CEP89: variants seen among roughly 807,000 people sequenced by gnomAD.
CEP89 encodes the protein centrosomal protein 89, also known as centrosomal protein of 89 kDa.
A neutral mutation model predicts 97.6 loss-of-function variants in CEP89; 95 were observed. The observed-to-expected ratio is 0.97, with a 90% CI of 0.82 to 1.15. The LOEUF is 1.15. CEP89 is among the 50% of genes most tolerant of loss of function. The pLI is 0.00. For synonymous variants in CEP89, 354 were observed against 349.1 expected, an observed-to-expected ratio of 1.01 and a Z score of -0.16; for missense variants, 869 against 947.7, an observed-to-expected ratio of 0.92 and a Z score of 1.09.
At chr19:32,915,628 A>G in intron 13 of CEP89, 111 bp from the exon 14 acceptor site, 1 of 1,045,904 alleles carries the variant, frequency 9.6e-7, no homozygotes. Context: ...TGACCTTTTA[A>G]AGATCTTTTG....
chr19:32,942,797 T>C (rs1245914342), intron 5 of CEP89, among the ~76,000 whole-genome samples: 1 of 151,796 alleles, frequency 6.6e-6, no homozygotes, highest in East Asian at 1.9e-4. Context: ...AAGGCTTCAA[T>C]ACTGGGCATA....
At chr19:32,922,264 G>A (rs867830508) in intron 12 of CEP89, among the ~76,000 whole-genome samples, 1 of 152,136 alleles carries the variant, frequency 6.6e-6, no homozygotes, top group Non-Finnish European at 1.5e-5. Context: ...CAAAGGGGCC[G>A]GGTGCAGTGG....
intron 14 of CEP89, among the ~76,000 whole-genome samples, chr19:32,902,875 G>A (rs538434817): frequency 1.1e-4 from 16 of 152,202 alleles, no homozygotes; most frequent in Non-Finnish European, 1.9e-4. Flanking sequence ...TTTCTGACAT[G>A]CACAAAGAAC....
At chr19:32,935,361 C>T (rs903724183) in intron 7 of CEP89, among the ~76,000 whole-genome samples, 1 of 152,194 alleles carries the variant, frequency 6.6e-6, no homozygotes, top group African/African-American at 2.4e-5. Flanking sequence ...CCAGAGAACA[C>T]CAATGGCAAG....
intron 6 of CEP89, 131 bp downstream of exon 6, chr19:32,939,726 T>C: frequency 1.9e-6 from 1 of 539,362 alleles, no homozygotes; most frequent in Non-Finnish European, 3.4e-6. Flanking sequence ...AAAGAACTCT[T>C]AAGGGAAGAT....
At chr19:32,880,864 G>A (rs1969267069) in intron 18 of CEP89, among the ~76,000 whole-genome samples, 1 of 152,090 alleles carries the variant, frequency 6.6e-6, no homozygotes, top group African/African-American at 2.4e-5. Flanking sequence ...CTGAGAGATC[G>A]TGCAGATCAA....
At chr19:32,965,691 G>A (rs28607873) in intron 2 of CEP89, among the ~76,000 whole-genome samples, 7,028 of 148,554 alleles carry the variant, frequency 0.047, 582 homozygotes, top group African/African-American at 0.17. Flanking sequence ...GCAAGATCTT[G>A]CCTTGAAAAA....
chr19:32,940,945 G>C (rs951990247), intron 5 of CEP89, among the ~76,000 whole-genome samples: 4 of 151,938 alleles, frequency 2.6e-5, no homozygotes, highest in African/African-American at 9.7e-5. Context: ...ATTTTTAGTA[G>C]AGACAGGGTT....
intron 3 of CEP89, 66 bp from the exon 4 acceptor site, chr19:32,953,867 CTTTTT>C (rs11339044): frequency 3.7e-3 from 2,208 of 604,832 alleles, no homozygotes; most frequent in East Asian, 4.9e-3. Flanking sequence ...TGATAAATAT[CTTTTT>C]TTTTTTTTTT....
Position 32,939,930 on chromosome 19 carries a change from T to C in CEP89, c.596-45A>G, listed in dbSNP as rs750856199. ...AGAGATAAACTTTTAAAGTAGATAA[T>C]GAAATATGACAACTCAGAAAGTACA... On this transcript the variant is annotated intron_variant, in intron 5 of 18. Transcript: ENST00000305768. The C allele has an allele frequency of 1.6e-5, 15 of 918,534 alleles. No individual in the cohort carries two copies. The African/African-American group carries it at 1.7e-4, about 10-fold the overall frequency. 56.9% of individuals were successfully genotyped at this position (918,534 alleles called of 1,614,324 possible).
chr19:32,931,238 A>T, intron 9 of CEP89, 191 bp downstream of exon 9: 1 of 565,684 alleles, frequency 1.8e-6, no homozygotes, highest in South Asian at 2.6e-5. Context: ...TACAGTCTTT[A>T]TTGCCTTTAT....
intron 8 of CEP89, among the ~76,000 whole-genome samples, chr19:32,932,222 T>C (rs920223532): frequency 1.3e-5 from 2 of 150,134 alleles, no homozygotes; most frequent in Admixed American, 1.3e-4. Context: ...ATAGAATACA[T>C]GGAAAATGTA....
intron 17 of CEP89, among the ~76,000 whole-genome samples, chr19:32,882,952 G>T (rs752094918): frequency 2.0e-5 from 3 of 151,848 alleles, no homozygotes; most frequent in African/African-American, 7.3e-5. Context: ...TCCGCCTCCC[G>T]GGTTCACATC....
intron 6 of CEP89, among the ~76,000 whole-genome samples, 186 bp downstream of exon 6, chr19:32,939,671 C>G (rs1970647614): frequency 7.6e-6 from 1 of 131,310 alleles, no homozygotes; most frequent in African/African-American, 2.8e-5. Flanking sequence ...GTGAGACCCC[C>G]TTCTCAAAAA....
intron 14 of CEP89, among the ~76,000 whole-genome samples, chr19:32,914,069 G>A (rs1306758084): frequency 2.0e-5 from 3 of 152,150 alleles, no homozygotes; most frequent in African/African-American, 7.2e-5. Context: ...TGGGGCTGAG[G>A]TAGTAGGAGA....
intron 14 of CEP89, among the ~76,000 whole-genome samples, chr19:32,911,749 G>C (rs1244119081): frequency 2.0e-5 from 3 of 152,164 alleles, no homozygotes; most frequent in African/African-American, 7.2e-5. Context: ...ATTTACTTAA[G>C]CACCAAGCTT....
At chr19:32,948,227 T>C in intron 5 of CEP89, 39 bp downstream of exon 5, 1 of 1,179,910 alleles carries the variant, frequency 8.5e-7, no homozygotes, top group East Asian at 2.5e-5. Flanking sequence ...TGAAAAAATG[T>C]TCTTATATTT....
chr19:32,945,284 CAAA>C (rs10709515), intron 5 of CEP89, among the ~76,000 whole-genome samples: 13 of 95,856 alleles, frequency 1.4e-4, no homozygotes, highest in African/African-American at 3.6e-4. Context: ...AACTATGTTT[CAAA>C]AAAAAAAAAA....
Position 32,901,258 on chromosome 19 carries a change from G to A in CEP89, c.1720C>T (p.Gln574Ter), listed in dbSNP as rs770608768. The A allele has an allele frequency of 1.2e-6, 2 of 1,609,790 alleles. No individual in the cohort carries two copies. The highest frequency in any genetic ancestry group is 4.5e-5 in the East Asian group (2 of 44,868). ...KALEAELERA[Q>*]KINRKSQKKI... ...AAAGACACAAACCTATTGATTTTCT[G>A]TGCTCGTTCAAGTTCGGCTTCCAGT... Residue 574 changes from glutamine to a stop codon, truncating the protein, a stop_gained, in exon 15 of 19, where the codon CAG becomes TAG. Coordinates refer to ENST00000305768, the MANE Select transcript of CEP89 (RefSeq NM_032816.5). LOFTEE classifies it high-confidence loss of function.
Sources: gnomAD v4.1 joint callset for allele counts (sites outside exome capture counted in the v4.1 genomes callset) on GRCh38, gnomAD v4.1.1 for gene constraint, MANE v1.5 for transcripts, NCBI Gene and HGNC (gene_info 2026-07-23, HGNC 2026-07-21) for gene names.